Variants in SEMA3D observed in about 807,000 individuals in gnomAD.
The protein encoded by SEMA3D is semaphorin-3D.
Under a neutral mutation model 100.1 loss-of-function variants are expected in SEMA3D, and 84 were observed. The observed-to-expected ratio is 0.84, with a 90% CI of 0.70 to 1.01. The LOEUF is 1.01. Ranked by LOEUF, SEMA3D falls within the 50% of genes least tolerant of loss-of-function variation. The pLI, the probability that SEMA3D is intolerant of heterozygous loss-of-function variation, is 0.00. For missense variants in SEMA3D, 875 were observed against 934.1 expected (o/e 0.94, Z 0.82); for synonymous variants, 312 against 320.7 (o/e 0.97, Z 0.29).
chr7:84,999,482 A>G lies in SEMA3D; in HGVS notation c.2292T>C (p.His764=), dbSNP rs774472808. ...QEMKKKRNRR[H]HRDLDELPRA... ...TAGGGAGCTCATCCAGGTCTCTGTG[A>G]TGTCTTCGATTTCGTTTCTTCTTCA... Residue 764 remains histidine (H), a synonymous_variant, in exon 19 of 19, where the codon CAT becomes CAC. Transcript: ENST00000284136. 1.4e-5 allele frequency: 23 copies of G among 1,613,928 alleles called. No homozygotes were observed. The highest frequency in any genetic ancestry group is 3.3e-4 in the Middle Eastern group (2 of 6,084).
intron 9 of SEMA3D, chr7:85,050,645 C>A: frequency 2.3e-6 from 1 of 426,128 alleles, no homozygotes; most frequent in Non-Finnish European, 4.2e-6. Context: ...ATCTCTTGAC[C>A]AAAATTTGCA....
chr7:85,154,307 C>G (rs1270868013), intron 1 of SEMA3D, among the ~76,000 whole-genome samples: 1 of 152,008 alleles, frequency 6.6e-6, no homozygotes, highest in Non-Finnish European at 1.5e-5. Flanking sequence ...TTATTAATAA[C>G]TCTTAGTGGT....
intron 9 of SEMA3D, among the ~76,000 whole-genome samples, chr7:85,050,955 A>G (rs191802544): frequency 8.6e-5 from 13 of 152,026 alleles, no homozygotes; most frequent in Admixed American, 7.9e-4. Flanking sequence ...GTATGTGTGC[A>G]CATGCATGTG....
Position 84,999,629 on chromosome 7 carries a change from G to T in SEMA3D, c.2145C>A (p.Asp715Glu). The T allele has an allele frequency of 1.9e-6, 3 of 1,614,110 alleles. No individual in the cohort carries two copies. The highest frequency in any genetic ancestry group is 2.5e-6 in the Non-Finnish European group (3 of 1,180,024). ...LLAESRLRYK[D>E]YIQILSSPNF... ...TTGGGCTGCTAAGGATTTGGATGTA[G>T]TCTTTGTATCTCAACCGTGACTCAG... is the stretch of plus-strand genomic sequence containing the variant. The change falls in exon 19 of 19, where the codon GAC becomes GAA. Residue 715 changes from aspartate to glutamate, a missense_variant. Coordinates refer to ENST00000284136, the MANE Select transcript of SEMA3D (RefSeq NM_001384900.1).
At chr7:85,243,013 A>G in the SEMA3D span, among the ~76,000 whole-genome samples, 2 of 152,120 alleles carry the variant, frequency 1.3e-5, no homozygotes, top group Non-Finnish European at 1.5e-5. Flanking sequence ...GATAGGTCTG[A>G]GGCTTTGTTG....
At chr7:85,245,217 G>A in the SEMA3D span, among the ~76,000 whole-genome samples, 2 of 152,142 alleles carry the variant, frequency 1.3e-5, no homozygotes, top group African/African-American at 4.8e-5. Flanking sequence ...GGAAACGGAA[G>A]GATGTGAAGT....
chr7:85,000,328 T>C (rs1456792099), intron 18 of SEMA3D, among the ~76,000 whole-genome samples: 1 of 152,204 alleles, frequency 6.6e-6, no homozygotes, highest in Non-Finnish European at 1.5e-5. Context: ...CTTCAGTACA[T>C]GCTACTACCT....
At position 85,167,451 on chromosome 7, in the gene SEMA3D, T is replaced by A; in HGVS notation, c.-172-13712A>T. 6 of 889,376 alleles carry A rather than the reference T, an allele frequency of 6.7e-6. No individual in the cohort carries two copies. In the South Asian group the frequency reaches 2.6e-4, roughly 38 times the overall value. The allele number at this position is 889,376 out of a possible 1,614,324, so 55.1% of individuals were successfully genotyped here. On this transcript the variant is annotated intron_variant, in intron 1 of 18. Coordinates refer to ENST00000284136, the MANE Select transcript of SEMA3D (RefSeq NM_001384900.1). ...ATGATATAATTTACTGTGAAGCTGA[T>A]ACTAATGTTGGACGTCTATTTGTGG...
chr7:85,184,717 T>C (rs1357914471), intron 1 of SEMA3D, among the ~76,000 whole-genome samples: 4 of 152,246 alleles, frequency 2.6e-5, no homozygotes, highest in Non-Finnish European at 5.9e-5. Context: ...CTGTCAGCCC[T>C]TGACCCTACT....
chr7:85,204,113 A>G, the SEMA3D span, among the ~76,000 whole-genome samples: 1 of 151,882 alleles, frequency 6.6e-6, no homozygotes, highest in African/African-American at 2.4e-5. Flanking sequence ...ATAAGAAAAA[A>G]AAACACTTTT....
intron 4 of SEMA3D, among the ~76,000 whole-genome samples, chr7:85,084,976 CT>C (rs1188239875): frequency 4.1e-4 from 62 of 152,080 alleles, no homozygotes; most frequent in South Asian, 2.1e-4. Context: ...TGGTCTGTTT[CT>C]TTTTTTTATG....
the SEMA3D span, among the ~76,000 whole-genome samples, chr7:85,192,904 G>A: frequency 2.0e-5 from 3 of 152,014 alleles, no homozygotes; most frequent in East Asian, 5.8e-4. Context: ...TACATTAGGA[G>A]TCTATGATAA....
At chr7:85,087,517 G>A (rs1423245815) in intron 4 of SEMA3D, among the ~76,000 whole-genome samples, 1 of 152,102 alleles carries the variant, frequency 6.6e-6, no homozygotes, top group Non-Finnish European at 1.5e-5. Context: ...CTTATTCAGG[G>A]TATAGCTAGT....
intron 1 of SEMA3D, among the ~76,000 whole-genome samples, chr7:85,168,932 G>A (rs537298592): frequency 4.6e-5 from 7 of 151,628 alleles, no homozygotes; most frequent in African/African-American, 1.7e-4. Context: ...TGGGGCAGGG[G>A]AAGGAATTCA....
chr7:85,213,988 T>C, the SEMA3D span, among the ~76,000 whole-genome samples: 1 of 152,166 alleles, frequency 6.6e-6, no homozygotes, highest in Non-Finnish European at 1.5e-5. Flanking sequence ...AAAAATGTCA[T>C]ACATTCAGTG....
At chr7:85,151,800 T>C (rs1397186690) in intron 2 of SEMA3D, 1 of 797,388 alleles carries the variant, frequency 1.3e-6, no homozygotes, top group East Asian at 1.3e-4. Flanking sequence ...AATTTTAAAT[T>C]CCTATTTTAA....
chr7:85,239,710 C>A, the SEMA3D span, among the ~76,000 whole-genome samples: 1 of 152,154 alleles, frequency 6.6e-6, no homozygotes, highest in Non-Finnish European at 1.5e-5. Context: ...TTCACAAGTT[C>A]ACTGAATGGT....
At chr7:85,027,966 A>C (rs1790436931) in intron 12 of SEMA3D, 1 of 580,406 alleles carries the variant, frequency 1.7e-6, no homozygotes, top group Non-Finnish European at 3.3e-6. Context: ...CTTTACGGAT[A>C]CCAAACAATT....
chr7:85,244,000 G>C, the SEMA3D span, among the ~76,000 whole-genome samples: 1 of 152,128 alleles, frequency 6.6e-6, no homozygotes, highest in African/African-American at 2.4e-5. Flanking sequence ...TTAAGTATCT[G>C]ATATACTCAA....
Sources: allele counts gnomAD v4.1 joint callset (sites outside exome capture counted in the v4.1 genomes callset), GRCh38; gene constraint gnomAD v4.1.1; transcripts MANE v1.5; gene names NCBI Gene and HGNC (gene_info 2026-07-23, HGNC 2026-07-21).